Variants in VMP1 observed in about 807,000 individuals in gnomAD.
VMP1 encodes the protein vacuole membrane protein 1.
VMP1 carries 11 observed loss-of-function variants against 56.0 expected under a neutral mutation model. The ratio of observed to expected loss-of-function variants is 0.20; its 90% CI spans 0.12 to 0.32. The LOEUF is 0.32. Ranked by LOEUF, VMP1 falls within the 10% of genes least tolerant of loss-of-function variation. The pLI, the probability that VMP1 is intolerant of heterozygous loss-of-function variation, is 1.00. For synonymous variants in VMP1, 149 were observed against 165.0 expected, an observed-to-expected ratio of 0.90 and a Z score of 0.74; for missense variants, 296 against 490.3, an observed-to-expected ratio of 0.60 and a Z score of 3.74.
chr17:59,782,296 C>CT (rs1188419222), intron 7 of VMP1, among the ~76,000 whole-genome samples: 1 of 148,558 alleles, frequency 6.7e-6, no homozygotes, highest in African/African-American at 2.5e-5. Context: ...ATGTAGGAAT[C>CT]TAACTTTTTT....
intron 7 of VMP1, among the ~76,000 whole-genome samples, chr17:59,798,520 A>G (rs2037526033): frequency 6.6e-6 from 1 of 152,236 alleles, no homozygotes; most frequent in Admixed American, 6.5e-5. Flanking sequence ...GTGTAACTAG[A>G]ATAAATGTTT....
At chr17:59,834,638 T>TC (rs1364111188) in intron 10 of VMP1, among the ~76,000 whole-genome samples, 3 of 136,026 alleles carry the variant, frequency 2.2e-5, no homozygotes, top group Non-Finnish European at 4.8e-5. Flanking sequence ...TTTTTTTTTT[T>TC]TTTTGAGACG....
chr17:59,743,559 G>A (rs2035305265), intron 5 of VMP1, among the ~76,000 whole-genome samples: 1 of 145,092 alleles, frequency 6.9e-6, no homozygotes, highest in African/African-American at 2.5e-5. Context: ...TTAAAAAACT[G>A]CTCTCTCTCT....
At chr17:59,742,083 A>G (rs1050919304) in intron 5 of VMP1, among the ~76,000 whole-genome samples, 1 of 152,232 alleles carries the variant, frequency 6.6e-6, no homozygotes, top group African/African-American at 2.4e-5. Context: ...ATTTAAAGGT[A>G]TACTGTAATT....
At chr17:59,753,431 G>T (rs1288588459) in intron 5 of VMP1, among the ~76,000 whole-genome samples, 3 of 152,242 alleles carry the variant, frequency 2.0e-5, no homozygotes, top group Non-Finnish European at 4.4e-5. Context: ...TTGATTATGA[G>T]AAATGTATTC....
intron 5 of VMP1, among the ~76,000 whole-genome samples, chr17:59,740,754 A>G (rs1422892996): frequency 2.6e-5 from 4 of 152,326 alleles, no homozygotes; most frequent in Middle Eastern, 3.4e-3. Context: ...GGGAGAGAGG[A>G]AAAGAAGGAA....
intron 7 of VMP1, among the ~76,000 whole-genome samples, chr17:59,801,316 G>A (rs1237839413): frequency 6.6e-6 from 1 of 151,496 alleles, no homozygotes; most frequent in Non-Finnish European, 1.5e-5. Flanking sequence ...TGTGATCACC[G>A]CCCACTGTAG....
At chr17:59,761,190 C>T (rs1483561208) in intron 5 of VMP1, among the ~76,000 whole-genome samples, 2 of 152,242 alleles carry the variant, frequency 1.3e-5, no homozygotes, top group African/African-American at 2.4e-5. Context: ...CGTGAGCCAC[C>T]GCACCCAGCC....
At chr17:59,838,443 C>T (rs528047002) in intron 11 of VMP1, 46 bp downstream of exon 11, 1 of 1,589,064 alleles carries the variant, frequency 6.3e-7, no homozygotes, top group Non-Finnish European at 8.6e-7. Flanking sequence ...AAGTTTCGGG[C>T]TGAAATTACA....
intron 5 of VMP1, among the ~76,000 whole-genome samples, chr17:59,746,565 G>A (rs1176287940): frequency 6.6e-6 from 1 of 152,166 alleles, no homozygotes; most frequent in Non-Finnish European, 1.5e-5. Flanking sequence ...AAAAGTTACT[G>A]TTTATTTGAT....
intron 10 of VMP1, among the ~76,000 whole-genome samples, chr17:59,834,349 G>A (rs975801589): frequency 3.3e-5 from 5 of 149,358 alleles, no homozygotes; most frequent in South Asian, 2.1e-4. Context: ...TGCAACCTCC[G>A]CCTCCCAGGT....
At chr17:59,807,872 T>TGC (rs2037905744) in intron 7 of VMP1, among the ~76,000 whole-genome samples, 1 of 143,174 alleles carries the variant, frequency 7.0e-6, no homozygotes, top group African/African-American at 2.6e-5. Flanking sequence ...CTAAAGAGAG[T>TGC]GGAAGAGGTT....
intron 10 of VMP1, among the ~76,000 whole-genome samples, chr17:59,827,517 A>T (rs1325321362): frequency 6.6e-6 from 1 of 150,460 alleles, no homozygotes; most frequent in Non-Finnish European, 1.5e-5. Context: ...GGGTTTCACC[A>T]TATTGGCCAG....
intron 10 of VMP1, among the ~76,000 whole-genome samples, chr17:59,822,883 G>T (rs974273124): frequency 1.3e-5 from 2 of 152,044 alleles, no homozygotes; most frequent in African/African-American, 4.8e-5. Flanking sequence ...TTCAGGACTA[G>T]CCTGGAAACA....
chr17:59,742,790 C>T (rs1478351846), intron 5 of VMP1, among the ~76,000 whole-genome samples: 1 of 152,134 alleles, frequency 6.6e-6, no homozygotes, highest in Non-Finnish European at 1.5e-5. Context: ...GCTCTACCTC[C>T]TGTTAGATCA....
intron 7 of VMP1, among the ~76,000 whole-genome samples, chr17:59,788,436 G>A (rs945467539): frequency 2.6e-5 from 4 of 151,160 alleles, no homozygotes; most frequent in East Asian, 1.9e-4. Flanking sequence ...TTAGTGAGCC[G>A]AGATCCCACC....
At chr17:59,752,782 G>T (rs1456479039) in intron 5 of VMP1, among the ~76,000 whole-genome samples, 1 of 152,072 alleles carries the variant, frequency 6.6e-6, no homozygotes, top group East Asian at 1.9e-4. Context: ...AAGATCTAAG[G>T]TACCACTGTT....
chr17:59,746,552 A>C (rs1321935389), intron 5 of VMP1, among the ~76,000 whole-genome samples: 1 of 152,252 alleles, frequency 6.6e-6, no homozygotes, highest in Non-Finnish European at 1.5e-5. Flanking sequence ...AAATGTTACA[A>C]ATAAAAGTTA....
chr17:59,772,370 A>G (rs2036458714), intron 6 of VMP1, among the ~76,000 whole-genome samples: 1 of 152,184 alleles, frequency 6.6e-6, no homozygotes, highest in South Asian at 2.1e-4. Context: ...TGTGAATACA[A>G]AATATTTGAA....
Sources: allele counts gnomAD v4.1 joint callset (sites outside exome capture counted in the v4.1 genomes callset), GRCh38; gene constraint gnomAD v4.1.1; transcripts MANE v1.5; gene names NCBI Gene and HGNC (gene_info 2026-07-23, HGNC 2026-07-21).